Variants in ZNF148 observed in about 807,000 individuals in gnomAD.
The protein encoded by ZNF148 is zinc finger protein 148.
ZNF148 carries 7 observed loss-of-function variants against 67.7 expected under a neutral mutation model. That is an observed-to-expected ratio of 0.10 (90% CI 0.06 to 0.19). ZNF148 has a LOEUF of 0.19. ZNF148 is among the 10% of genes least tolerant of loss of function. ZNF148 has a pLI of 1.00. For missense variants in ZNF148, 583 were observed against 947.1 expected, an observed-to-expected ratio of 0.62 and a Z score of 5.05; for synonymous variants, 333 against 330.7, an observed-to-expected ratio of 1.01 and a Z score of -0.08.
chr3:125,340,714 C>T (rs1251323646), intron 1 of ZNF148, among the ~76,000 whole-genome samples: 2 of 151,988 alleles, frequency 1.3e-5, no homozygotes, highest in Non-Finnish European at 2.9e-5. Flanking sequence ...TGGCCGGGCG[C>T]GGTGGCTCAT....
chr3:125,280,524 T>C (rs1291891879), intron 5 of ZNF148, among the ~76,000 whole-genome samples: 1 of 151,196 alleles, frequency 6.6e-6, no homozygotes, highest in African/African-American at 2.4e-5. Flanking sequence ...TCCACTAAAA[T>C]ACAAAAATTA....
intron 1 of ZNF148, among the ~76,000 whole-genome samples, chr3:125,373,867 G>C (rs1422873610): frequency 3.9e-5 from 6 of 152,270 alleles, no homozygotes; most frequent in Non-Finnish European, 8.8e-5. Context: ...GAGCCAGCAA[G>C]CATGTCTTCC....
intron 1 of ZNF148, among the ~76,000 whole-genome samples, chr3:125,355,222 G>C (rs975159605): frequency 6.6e-6 from 1 of 152,174 alleles, no homozygotes; most frequent in South Asian, 2.1e-4. Flanking sequence ...ACATGATATA[G>C]AGATATCAAT....
chr3:125,234,796 ATTTAATAAAAT>A (rs932984120), intron 7 of ZNF148, among the ~76,000 whole-genome samples: 10 of 152,280 alleles, frequency 6.6e-5, no homozygotes, highest in Admixed American at 2.0e-4. Flanking sequence ...TTAAAATCTA[ATTTAATAAAAT>A]ACAAAAAGAA....
intron 3 of ZNF148, among the ~76,000 whole-genome samples, chr3:125,322,537 C>A (rs1940830825): frequency 6.6e-6 from 1 of 152,020 alleles, no homozygotes; most frequent in East Asian, 1.9e-4. Flanking sequence ...ACACAAACTC[C>A]TCTTAAAGGT....
chr3:125,371,376 G>A (rs1248953000), intron 1 of ZNF148, among the ~76,000 whole-genome samples: 14,144 of 46,034 alleles, frequency 0.31, 932 homozygotes, highest in African/African-American at 0.44. Context: ...AAAAAAAGGG[G>A]GGGGGGGGGG....
intron 1 of ZNF148, among the ~76,000 whole-genome samples, chr3:125,338,650 A>T (rs1418413430): frequency 2.5e-5 from 2 of 80,092 alleles, no homozygotes; most frequent in African/African-American, 1.2e-4. Flanking sequence ...ACAGAGTGAG[A>T]CCCTGTCTCA....
rs544685634 is a variant in ZNF148, at chr3:125,229,049, G to A, written c.*3292C>T. ...TCCCTGAAATAAAGCAATTTGAAACGGAAAATTAAATTAAATTTCAGACTC... is the reference window on the plus strand; with the variant it reads ...TCCCTGAAATAAAGCAATTTGAAACAGAAAATTAAATTAAATTTCAGACTC... On this transcript the variant is annotated 3_prime_UTR_variant, in exon 9 of 9. Coordinates refer to ENST00000360647, the MANE Select transcript of ZNF148 (RefSeq NM_021964.3). 1 of 152,238 alleles carries A rather than the reference G, an allele frequency of 6.6e-6. No individual in the cohort carries two copies. The highest frequency in any genetic ancestry group is 2.1e-4 in the South Asian group (1 of 4,810). 9.4% of individuals were successfully genotyped at this position (152,238 alleles called of 1,614,324 possible). A position where few individuals can be genotyped will look rare whatever the true frequency, so the allele number is the denominator to read the frequency against.
intron 2 of ZNF148, among the ~76,000 whole-genome samples, chr3:125,330,761 C>T (rs982239419): frequency 6.6e-6 from 1 of 152,016 alleles, no homozygotes; most frequent in Admixed American, 6.6e-5. Flanking sequence ...ATGTAAACTC[C>T]TTGAAAACTG....
intron 1 of ZNF148, among the ~76,000 whole-genome samples, chr3:125,370,288 T>C (rs1942836739): frequency 6.6e-6 from 1 of 152,144 alleles, no homozygotes; most frequent in Non-Finnish European, 1.5e-5. Context: ...TCTCCAGATA[T>C]CCCTTTTGTC....
intron 7 of ZNF148, among the ~76,000 whole-genome samples, chr3:125,271,790 G>C (rs557160185): frequency 1.4e-4 from 21 of 152,242 alleles, no homozygotes; most frequent in Admixed American, 7.8e-4. Context: ...GGAATTGCTA[G>C]GTTTTTTTAA....
rs892467804 is a variant in ZNF148 at position 125,227,076 on chromosome 3, A to G, written c.*5265T>C. 6.6e-6 allele frequency: 1 copy of G among 152,068 alleles called. No homozygotes were observed. The highest frequency in any genetic ancestry group is 1.5e-5 in the Non-Finnish European group (1 of 68,018). The allele number at this position is 152,068 out of a possible 1,614,324, so 9.4% of individuals were successfully genotyped here. A position where few individuals can be genotyped will look rare whatever the true frequency, so the allele number is the denominator to read the frequency against. ...AGAAACAACCTGCTGCAACCTTCCC[A>G]AGACACACGATGCCCCCCTTTCCCT... On this transcript the variant is annotated 3_prime_UTR_variant, in exon 9 of 9. Coordinates refer to ENST00000360647, the MANE Select transcript of ZNF148 (RefSeq NM_021964.3).
intron 2 of ZNF148, among the ~76,000 whole-genome samples, chr3:125,326,851 T>A (rs951635165): frequency 1.4e-5 from 2 of 139,786 alleles, no homozygotes; most frequent in African/African-American, 5.2e-5. Context: ...CAGATATATA[T>A]GTATATAAAG....
At chr3:125,305,607 T>C (rs1353912393) in intron 4 of ZNF148, among the ~76,000 whole-genome samples, 3 of 150,698 alleles carry the variant, frequency 2.0e-5, no homozygotes, top group East Asian at 3.9e-4. Context: ...AACCCAGGAG[T>C]GTGAGACTAG....
intron 2 of ZNF148, among the ~76,000 whole-genome samples, chr3:125,330,268 C>T (rs2107710021): frequency 6.6e-6 from 1 of 151,996 alleles, no homozygotes; most frequent in Middle Eastern, 3.4e-3. Flanking sequence ...AGTTCAAGAC[C>T]CGCCTGGGCA....
At chr3:125,314,745 G>C (rs1254999311) in intron 3 of ZNF148, among the ~76,000 whole-genome samples, 1 of 152,090 alleles carries the variant, frequency 6.6e-6, no homozygotes, top group Non-Finnish European at 1.5e-5. Flanking sequence ...AAATCTTTAG[G>C]TAGTAAAGTT....
At chr3:125,355,967 T>C (rs1285530093) in intron 1 of ZNF148, among the ~76,000 whole-genome samples, 2 of 152,330 alleles carry the variant, frequency 1.3e-5, no homozygotes, top group Admixed American at 6.5e-5. Context: ...CTCTTCTCCC[T>C]AGCATTTCAA....
intron 1 of ZNF148, among the ~76,000 whole-genome samples, chr3:125,342,494 G>GA (rs1380107702): frequency 6.6e-6 from 1 of 151,668 alleles, no homozygotes; most frequent in African/African-American, 2.4e-5. Flanking sequence ...TCAAATATTG[G>GA]AAAAAATGCA....
intron 7 of ZNF148, among the ~76,000 whole-genome samples, chr3:125,248,206 G>A (rs184839713): frequency 6.6e-6 from 1 of 152,172 alleles, no homozygotes; most frequent in African/African-American, 2.4e-5. Flanking sequence ...ACACAAATGA[G>A]TTAGAATCCC....
Sources: allele counts gnomAD v4.1 joint callset (sites outside exome capture counted in the v4.1 genomes callset), GRCh38; gene constraint gnomAD v4.1.1; transcripts MANE v1.5; gene names NCBI Gene and HGNC (gene_info 2026-07-23, HGNC 2026-07-21).